Variants in PLXNA1 observed in about 807,000 individuals in gnomAD.
PLXNA1 encodes plexin A1, also known as plexin-A1.
A neutral mutation model predicts 191.7 loss-of-function variants in PLXNA1; 77 were observed. That is an observed-to-expected ratio of 0.40 (90% CI 0.33 to 0.49). The LOEUF is 0.49. PLXNA1 is among the 20% of genes least tolerant of loss of function. The pLI, the probability that PLXNA1 is intolerant of heterozygous loss-of-function variation, is 0.63. For missense variants in PLXNA1, 2,110 were observed against 2,660.2 expected, an observed-to-expected ratio of 0.79 and a Z score of 4.55; for synonymous variants, 1,137 against 1,156.4, an observed-to-expected ratio of 0.98 and a Z score of 0.34.
intron 25 of PLXNA1, chr3:127,028,649 G>A: frequency 2.0e-6 from 1 of 510,356 alleles, no homozygotes; most frequent in South Asian, 2.4e-5. Context: ...GGCCAGAGGG[G>A]ATGGGACGGG....
chr3:126,989,590 G>T lies in PLXNA1; in HGVS notation c.997G>T (p.Asp333Tyr). Residue 333 changes from aspartate (D) to tyrosine (Y), a missense_variant, in exon 2 of 32, where the codon GAC becomes TAC. Transcript: ENST00000393409. ...GGCCCACCAGCTGGGCCTGGCTGAG[G>T]ACGAGGACGTGCTGTTCACTGTGTT... ...ALAHQLGLAE[D>Y]EDVLFTVFAQ... 6.2e-7 allele frequency: 1 copy of T among 1,613,254 alleles called. No homozygotes were observed. The highest frequency in any genetic ancestry group is 8.5e-7 in the Non-Finnish European group (1 of 1,180,030).
intron 21 of PLXNA1, among the ~76,000 whole-genome samples, chr3:127,020,985 G>A (rs1006077442): frequency 2.0e-5 from 3 of 152,250 alleles, no homozygotes; most frequent in African/African-American, 7.2e-5. Flanking sequence ...GCCCCCAGCG[G>A]CAGGCAGGCT....
chr3:127,010,801 C>T (rs534905598), intron 9 of PLXNA1, among the ~76,000 whole-genome samples: 21 of 152,324 alleles, frequency 1.4e-4, no homozygotes, highest in Non-Finnish European at 2.6e-4. Flanking sequence ...CAACAAAGCC[C>T]GTCCCTCACC....
Position 127,030,222 on chromosome 3 carries a change from GT to G in PLXNA1, c.5062-20del. 1.2e-6 allele frequency: 2 copies of G among 1,610,420 alleles called. No individual in the cohort carries two copies. Among genetic ancestry groups the G allele is most frequent in the Non-Finnish European group, 8.5e-7 (1 of 1,177,846 alleles). On this transcript the variant is annotated intron_variant, in intron 28 of 31. Coordinates refer to ENST00000393409, the MANE Select transcript of PLXNA1 (RefSeq NM_032242.4). ...GCCAGGCAGCGCCCTGGGGCTCAGT[GT>G]CCCTGCCTGCCCCCCGCAGGGCACA...
chr3:127,007,375 T>G (rs915677012), intron 8 of PLXNA1, among the ~76,000 whole-genome samples: 3 of 152,230 alleles, frequency 2.0e-5, no homozygotes, highest in African/African-American at 7.2e-5. Context: ...TCCAGTTCTG[T>G]GGCAGCACGT....
chr3:127,014,129 C>G lies in PLXNA1; in HGVS notation c.2410+13C>G. The stretch of plus-strand genomic sequence containing the variant: ...CAGAACATCCAGGGTGAGTGGGCGC[C>G]CCGGCGGGGTGGGCAGTGGGCGGGC... On this transcript the variant is annotated intron_variant, in intron 11 of 31. Coordinates refer to ENST00000393409, the MANE Select transcript of PLXNA1 (RefSeq NM_032242.4). The G allele has an allele frequency of 6.2e-7, 1 of 1,613,424 alleles. No homozygotes were observed. The highest frequency in any genetic ancestry group is 8.5e-7 in the Non-Finnish European group (1 of 1,179,822).
intron 3 of PLXNA1, among the ~76,000 whole-genome samples, chr3:126,996,732 C>T (rs1206464175): frequency 6.6e-6 from 1 of 152,198 alleles, no homozygotes; most frequent in East Asian, 1.9e-4. Flanking sequence ...GAGGGAGGGA[C>T]AAGGGGAGTT....
At chr3:127,033,874 C>T in intron 31 of PLXNA1, 48 bp from the exon 32 acceptor site, 1 of 1,497,196 alleles carries the variant, frequency 6.7e-7, no homozygotes, top group Non-Finnish European at 9.1e-7. Flanking sequence ...CTGCTGAGTG[C>T]ATGGAGGCTG....
chr3:127,002,997 C>T (rs1210818031), intron 3 of PLXNA1, among the ~76,000 whole-genome samples: 1 of 152,202 alleles, frequency 6.6e-6, no homozygotes, highest in East Asian at 1.9e-4. Context: ...CTCCTGTAGC[C>T]TTCACCCTGG....
At chr3:126,985,630 C>G (rs1278576647) in intron 1 of PLXNA1, among the ~76,000 whole-genome samples, 2 of 152,230 alleles carry the variant, frequency 1.3e-5, no homozygotes, top group Non-Finnish European at 2.9e-5. Flanking sequence ...ATGCTCCCCT[C>G]CTAGCCCCGG....
In PLXNA1 at chr3:127,028,761, C is replaced by T. The variant is rs557065131; in HGVS notation, c.4670-232C>T. On this transcript the variant is annotated intron_variant, in intron 25 of 31. Coordinates refer to ENST00000393409, the MANE Select transcript of PLXNA1 (RefSeq NM_032242.4). ...TGAGGAGTTGGGGCCCTAAGGCTTG[C>T]GGAAGGCAGGGCAGACCCCCTTAGG... is the stretch of plus-strand genomic sequence containing the variant. 129 of 570,318 alleles carry T rather than the reference C, an allele frequency of 2.3e-4. 2 individuals carry two copies. The South Asian group carries it at 2.6e-3, about 12-fold the overall frequency. The allele number at this position is 570,318 out of a possible 1,614,324, so 35.3% of individuals were successfully genotyped here.
In PLXNA1 at chr3:127,017,505, G is replaced by T; in HGVS notation, c.3357G>T (p.Leu1119=). ...ACCCTGTGCGCAGCCCACCAGAGCT[G>T]GGGGAGCGGCCGGATGAGCTGGGCT... ...VANPVRSPPE[L]GERPDELGFV... The change falls in exon 18 of 32, where the codon CTG becomes CTT. Residue 1119 remains leucine, a synonymous_variant. Coordinates refer to ENST00000393409, the MANE Select transcript of PLXNA1 (RefSeq NM_032242.4). 6.2e-7 allele frequency: 1 copy of T among 1,613,632 alleles called. No homozygotes were observed. Among genetic ancestry groups the T allele is most frequent in the Non-Finnish European group, 8.5e-7 (1 of 1,179,998 alleles).
chr3:127,015,157 G>A, intron 14 of PLXNA1, 27 bp from the exon 15 acceptor site: 1 of 1,596,478 alleles, frequency 6.3e-7, no homozygotes, highest in South Asian at 1.1e-5. Context: ...TTTCCTGAGA[G>A]TTTCAGCAAG....
intron 3 of PLXNA1, among the ~76,000 whole-genome samples, chr3:126,996,450 C>G (rs2079015324): frequency 1.3e-5 from 2 of 152,202 alleles, no homozygotes; most frequent in Admixed American, 1.3e-4. Context: ...ATCTCACAGC[C>G]CACGCAAGTG....
chr3:127,022,851 G>A lies in PLXNA1; in HGVS notation c.4362+33G>A, dbSNP rs370720024. ...GAGGCGGGAGGAAGCAGGTGTCAGAGGCAGGTGAACAGCGGGAGGGGAAAA... is the reference window on the plus strand; with the variant it reads ...GAGGCGGGAGGAAGCAGGTGTCAGAAGCAGGTGAACAGCGGGAGGGGAAAA... On this transcript the variant is annotated intron_variant, in intron 23 of 31. Transcript: ENST00000393409. 7.2e-5 allele frequency: 114 copies of A among 1,581,076 alleles called. 1 individual carries two copies. Among genetic ancestry groups the A allele is most frequent in the Admixed American group, 6.3e-4 (38 of 59,938 alleles).
intron 1 of PLXNA1, among the ~76,000 whole-genome samples, chr3:126,984,779 G>T (rs1169052369): frequency 6.6e-6 from 1 of 152,214 alleles, no homozygotes; most frequent in African/African-American, 2.4e-5. Context: ...GGCCCCCCAA[G>T]GTCGTTGCCT....
chr3:127,016,760 A>C, intron 16 of PLXNA1, 76 bp downstream of exon 16: 1 of 1,542,072 alleles, frequency 6.5e-7, no homozygotes, highest in Non-Finnish European at 8.9e-7. Context: ...TCCACTGGGC[A>C]CTTGGCGGTG....
At chr3:127,009,752 G>A (rs2079086841) in intron 9 of PLXNA1, among the ~76,000 whole-genome samples, 1 of 152,196 alleles carries the variant, frequency 6.6e-6, no homozygotes, top group Admixed American at 6.5e-5. Flanking sequence ...GCATGCTGGG[G>A]TCTGTGTGTT....
At chr3:127,012,523 G>C (rs996475614) in intron 10 of PLXNA1, among the ~76,000 whole-genome samples, 2 of 152,246 alleles carry the variant, frequency 1.3e-5, no homozygotes, top group African/African-American at 2.4e-5. Flanking sequence ...AGTGTGTGCA[G>C]GAATAGCCAG....
Sources: gnomAD v4.1 joint callset for allele counts (sites outside exome capture counted in the v4.1 genomes callset) on GRCh38, gnomAD v4.1.1 for gene constraint, MANE v1.5 for transcripts, NCBI Gene and HGNC (gene_info 2026-07-23, HGNC 2026-07-21) for gene names.